Variants in NOTUM observed in about 807,000 individuals in gnomAD.
The protein encoded by NOTUM is palmitoleoyl-protein carboxylesterase NOTUM.
NOTUM carries 36 observed loss-of-function variants against 65.5 expected under a neutral mutation model. The observed-to-expected ratio is 0.55, with a 90% confidence interval of 0.42 to 0.73. The LOEUF is 0.73. Among genes scored for constraint, NOTUM ranks in the 30% least tolerant of loss-of-function variants. The probability of loss-of-function intolerance (pLI) is 0.00; values close to 1 mark genes in which losing one functional copy is unlikely to be tolerated. For missense variants in NOTUM, 659 were observed against 694.2 expected (o/e 0.95, Z 0.57); for synonymous variants, 356 against 297.9 (o/e 1.20, Z -2.01).
At position 81,952,937 on chromosome 17, in the gene NOTUM, C is replaced by G; in HGVS notation, c.*24G>C. The G allele has an allele frequency of 7.5e-6, 12 of 1,607,024 alleles. No homozygotes were observed. The highest frequency in any genetic ancestry group is 9.4e-6 in the Non-Finnish European group (11 of 1,175,126). The stretch of plus-strand genomic sequence containing the variant: ...AGCGGGTGTCTGGGCCCCTCAGTGC[C>G]GGCTCCTCCTCCAGACAGTCTGCCT... On this transcript the variant is annotated 3_prime_UTR_variant, in exon 11 of 11. Transcript: ENST00000409678.
At chr17:81,957,372 T>C (rs1185275066) in intron 6 of NOTUM, among the ~76,000 whole-genome samples, 1 of 152,128 alleles carries the variant, frequency 6.6e-6, no homozygotes, top group Non-Finnish European at 1.5e-5. Context: ...GAAGATAAAC[T>C]ATGTGGCCTC....
Position 81,959,523 on chromosome 17 carries a change from G to T in NOTUM, c.420C>A (p.Tyr140Ter). 1 of 1,549,140 alleles carries T rather than the reference G, an allele frequency of 6.5e-7. No homozygotes were observed. The highest frequency in any genetic ancestry group is 1.2e-5 in the South Asian group (1 of 84,032). ...CFNRENCDSR[Y>*]DTMRRLMSSR... ...AGCTCATGAGGCGCCGCATGGTGTC[G>T]TATCTGGAGTCGCAGTTCTCGCGGT... The change falls in exon 3 of 11, where the codon TAC (tyrosine) becomes TAA (stop). Residue 140 changes from tyrosine to a stop codon, truncating the protein, a stop_gained. Transcript: ENST00000409678. LOFTEE classifies it high-confidence loss of function.
Position 81,952,995 on chromosome 17 carries a change from C to A in NOTUM, c.1457G>T (p.Ser486Ile). 1 of 1,614,044 alleles carries A rather than the reference C, an allele frequency of 6.2e-7. No homozygotes were observed. The highest frequency in any genetic ancestry group is 8.5e-7 in the Non-Finnish European group (1 of 1,180,026). ...TVAQPQGLEP[S>I]ELLGMLSNGS ...GTTGCTCAGCATCCCCAGCAGCTCA[C>A]TGGGCTCCAGTCCCTGCGGCTGGGC... is the stretch of plus-strand genomic sequence containing the variant. Residue 486 changes from serine (S) to isoleucine (I), a missense_variant, in exon 11 of 11, where the codon AGT becomes ATT. By Grantham distance (142) the Ser-to-Ile change is moderately radical. Transcript: ENST00000409678.
Position 81,956,873 on chromosome 17 carries a change from G to A in NOTUM, c.887+10C>T, listed in dbSNP as rs763958171. 4.1e-5 allele frequency: 66 copies of A among 1,605,888 alleles called. No individual in the cohort carries two copies. In the Middle Eastern group the frequency reaches 2.0e-3, roughly 48 times the overall value. The stretch of plus-strand genomic sequence containing the variant: ...TGCAGCACGAGGACGGGCCCTCCCC[G>A]CTGCGGCACCTGATGCCACGGCGGA... On this transcript the variant is annotated intron_variant, in intron 7 of 10. Transcript: ENST00000409678.
Position 81,959,701 on chromosome 17 carries a change from G to T in NOTUM, c.324-9C>A. 6.8e-7 allele frequency: 1 copy of T among 1,470,706 alleles called. No individual in the cohort carries two copies. Among genetic ancestry groups the T allele is most frequent in the South Asian group, 1.3e-5 (1 of 76,646 alleles). 91.1% of individuals were successfully genotyped at this position (1,470,706 alleles called of 1,614,324 possible). A position where few individuals can be genotyped will look rare whatever the true frequency, so the allele number is the denominator to read the frequency against. On this transcript the variant is annotated splice_polypyrimidine_tract_variant and intron_variant, in intron 1 of 10. Transcript: ENST00000409678. ...ACTCCTTCAGGTAGTAGCTGCGGGG[G>T]AGGACGCACCGCGGGGGGTCGGCCA...
chr17:81,959,589 G>T, intron 2 of NOTUM, 23 bp from the exon 3 acceptor site: 13 of 1,547,322 alleles, frequency 8.4e-6, no homozygotes, highest in Non-Finnish European at 1.1e-5. Context: ...CCGCCGCTCA[G>T]GCCCGCGCGC....
rs964126384 is a variant in NOTUM at position 81,952,894 on chromosome 17, G to A, written c.*67C>T. 1.4e-6 allele frequency: 2 copies of A among 1,393,244 alleles called. No homozygotes were observed. Among genetic ancestry groups the A allele is most frequent in the Non-Finnish European group, 1.0e-6 (1 of 992,026 alleles). The allele number at this position is 1,393,244 out of a possible 1,614,324, so 86.3% of individuals were successfully genotyped here. A position where few individuals can be genotyped will look rare whatever the true frequency, so the allele number is the denominator to read the frequency against. On this transcript the variant is annotated 3_prime_UTR_variant, in exon 11 of 11. Transcript: ENST00000409678. ...AGACGGGAGGGCCTGCTGGTGGGGGGTGAGGTGGCACTGGGGCAGCGGGTG... is the reference window on the plus strand; with the variant it reads ...AGACGGGAGGGCCTGCTGGTGGGGGATGAGGTGGCACTGGGGCAGCGGGTG...
intron 3 of NOTUM, 117 bp from the exon 4 acceptor site, chr17:81,959,112 G>C: frequency 4.5e-6 from 4 of 885,896 alleles, no homozygotes; most frequent in Non-Finnish European, 7.4e-6. Context: ...AGGTGTGCTG[G>C]TGTTGCTAGC....
At chr17:81,955,133 C>T (rs373729880) in intron 9 of NOTUM, among the ~76,000 whole-genome samples, 1 of 152,274 alleles carries the variant, frequency 6.6e-6, no homozygotes, top group South Asian at 2.1e-4. Context: ...GCGCCTGCCA[C>T]TACACCGGAC....
In NOTUM at chr17:81,952,934, T is replaced by C; in HGVS notation, c.*27A>G. ...GGCAGCGGGTGTCTGGGCCCCTCAG[T>C]GCCGGCTCCTCCTCCAGACAGTCTG... On this transcript the variant is annotated 3_prime_UTR_variant, in exon 11 of 11. Transcript: ENST00000409678. 1 of 1,606,076 alleles carries C rather than the reference T, an allele frequency of 6.2e-7. No homozygotes were observed. The highest frequency in any genetic ancestry group is 1.7e-4 in the Middle Eastern group (1 of 6,032).
chr17:81,955,882 C>A (rs1413693100), intron 8 of NOTUM, among the ~76,000 whole-genome samples: 1 of 146,388 alleles, frequency 6.8e-6, no homozygotes, highest in East Asian at 2.1e-4. Context: ...GCCCCCTATC[C>A]CAGGCTCAGA....
chr17:81,956,774 G>A (rs1437380718), intron 7 of NOTUM, 24 bp from the exon 8 acceptor site: 2 of 1,605,900 alleles, frequency 1.2e-6, no homozygotes, highest in Admixed American at 3.3e-5. Context: ...CACAGGTTAG[G>A]CTGCCGTGGG....
At chr17:81,954,921 A>C (rs1384728628) in intron 9 of NOTUM, among the ~76,000 whole-genome samples, 1 of 122,984 alleles carries the variant, frequency 8.1e-6, no homozygotes, top group African/African-American at 3.5e-5. Flanking sequence ...CAGGCCCAAG[A>C]CCGATCTCGA....
At chr17:81,957,137 T>G in intron 6 of NOTUM, 63 bp from the exon 7 acceptor site, 1 of 1,425,804 alleles carries the variant, frequency 7.0e-7, no homozygotes, top group Non-Finnish European at 9.6e-7. Flanking sequence ...CCCCCGAGTC[T>G]GCTCAGCGTC....
At position 81,960,811 on chromosome 17, in the gene NOTUM, C is replaced by A. The variant is rs1460047812; in HGVS notation, c.99G>T (p.Pro33=). 4.6e-6 allele frequency: 7 copies of A among 1,537,758 alleles called. No homozygotes were observed. Among genetic ancestry groups the A allele is most frequent in the Non-Finnish European group, 6.1e-6 (7 of 1,143,772 alleles). The change falls in exon 1 of 11, where the codon CCG becomes CCT. Residue 33 remains proline, a synonymous_variant. Transcript: ENST00000409678. The surrounding 1 kb of genome is among the most constrained non-coding windows in gnomAD (Gnocchi z 6.4). ...CCGCCTCGGTCCGCGGGGGAGGAGGCGGCTGCTGACCCCGGCGCCGCCAGG... is the reference window on the plus strand; with the variant it reads ...CCGCCTCGGTCCGCGGGGGAGGAGGAGGCTGCTGACCCCGGCGCCGCCAGG... ...RKTWRRRGQQ[P]PPPPRTEAAP... is the part of the protein sequence containing the mutation.
At chr17:81,958,489 C>A in intron 4 of NOTUM, 96 bp from the exon 5 acceptor site, 1 of 819,404 alleles carries the variant, frequency 1.2e-6, no homozygotes, top group Non-Finnish European at 2.1e-6. Context: ...AAGACCATCC[C>A]AGGACAGGAT....
In NOTUM at chr17:81,954,297, G is replaced by A; in HGVS notation, c.1143C>T (p.Ser381=). 6.2e-7 allele frequency: 1 copy of A among 1,612,664 alleles called. No homozygotes were observed. The highest frequency in any genetic ancestry group is 8.5e-7 in the Non-Finnish European group (1 of 1,178,706). ...CATGGGAGAGGCAGGCGGGGGCAAA[G>A]CTGGCCCTGTTGGAGAGGAGACAGT... ...LRHTLKDVPA[S]FAPACLSHEI... Residue 381 remains serine, a synonymous_variant, in exon 10 of 11, where the codon AGC becomes AGT. Coordinates refer to ENST00000409678, the MANE Select transcript of NOTUM (RefSeq NM_178493.6).
chr17:81,955,537 C>A lies in NOTUM; in HGVS notation c.996G>T (p.Val332=). 6.2e-7 allele frequency: 1 copy of A among 1,610,174 alleles called. No homozygotes were observed. The highest frequency in any genetic ancestry group is 1.1e-5 in the South Asian group (1 of 90,980). ...CGTCAAACAGCCACTGCACCACGAA[C>A]ACAGGGCCTGCGGGCGGCGGGGCTC... The part of the protein sequence containing the change: ...YKVYPTLRCP[V]FVVQWLFDEA... The change falls in exon 9 of 11, where the codon GTG becomes GTT. Residue 332 remains valine (V), a synonymous_variant. Coordinates refer to ENST00000409678, the MANE Select transcript of NOTUM (RefSeq NM_178493.6).
intron 4 of NOTUM, among the ~76,000 whole-genome samples, chr17:81,958,668 G>C (rs1304461357): frequency 2.0e-5 from 3 of 150,958 alleles, no homozygotes; most frequent in African/African-American, 7.3e-5. Flanking sequence ...CCCCTGGAAG[G>C]ACCATCCCAG....
Sources: gnomAD v4.1 joint callset for allele counts (sites outside exome capture counted in the v4.1 genomes callset) on GRCh38, gnomAD v4.1.1 for gene constraint, Gnocchi (gnomAD v3.1) non-coding constraint, MANE v1.5 for transcripts, NCBI Gene and HGNC (gene_info 2026-07-23, HGNC 2026-07-21) for gene names.